ODAD2: variants seen among roughly 807,000 people sequenced by gnomAD.
The protein encoded by ODAD2 is outer dynein arm-docking complex subunit 2.
ODAD2 carries 89 observed loss-of-function variants against 106.8 expected under a neutral mutation model. That is an observed-to-expected ratio of 0.83 (90% confidence interval 0.70 to 0.99). The LOEUF is 0.99. ODAD2 is among the 50% of genes least tolerant of loss of function. The pLI is 0.00. For missense variants in ODAD2, 1,168 were observed against 1,238.5 expected (o/e 0.94, Z 0.85); for synonymous variants, 404 against 436.2 (o/e 0.93, Z 0.92).
rs1394507668 is a variant in ODAD2, at chr10:27,862,608, C to T, written c.2625G>A (p.Met875Ile). Residue 875 changes from methionine to isoleucine, a missense_variant, in exon 18 of 20, where the codon ATG becomes ATA. Around this residue, in one of 3 missense-constraint regions of ODAD2, gnomAD observed 701 missense variants for 712.3 expected, o/e 0.98. Coordinates refer to ENST00000305242, the MANE Select transcript of ODAD2 (RefSeq NM_018076.5). ...CIKNAKDAGEMVRSFVGGLEL... is the reference protein window; with the variant it reads ...CIKNAKDAGEIVRSFVGGLEL... ...CCAAACCACCAACAAAGGAACGAAC[C>T]ATTTCCCCAGCATCCTAGACAAAAA... The T allele has an allele frequency of 6.2e-7, 1 of 1,603,562 alleles. No individual in the cohort carries two copies. Among genetic ancestry groups the T allele is most frequent in the Non-Finnish European group, 8.5e-7 (1 of 1,175,966 alleles).
intron 10 of ODAD2, among the ~76,000 whole-genome samples, chr10:27,947,352 C>T (rs1181761977): frequency 6.6e-6 from 1 of 151,994 alleles, no homozygotes; most frequent in African/African-American, 2.4e-5. Context: ...GTAATCTCAG[C>T]TACTCAGAAG....
chr10:27,903,549 C>G (rs182072898), intron 17 of ODAD2, among the ~76,000 whole-genome samples: 1 of 18,212 alleles, frequency 5.5e-5, no homozygotes, highest in Non-Finnish European at 1.6e-4. Flanking sequence ...ATTTAGAAAA[C>G]CCATCGTCTC....
In ODAD2 at chr10:27,835,008, G is replaced by A. The variant is rs554212856; in HGVS notation, c.3022-22383C>T. Reference sequence around the variant, plus strand: ...AGTTTTCACAAGGTCACCCAGGCCCGACAGAACACACAACCGAAGGCGCAG... The same window carrying A: ...AGTTTTCACAAGGTCACCCAGGCCCAACAGAACACACAACCGAAGGCGCAG... On this transcript the variant is annotated intron_variant, in intron 19 of 19. Coordinates refer to ENST00000305242, the MANE Select transcript of ODAD2 (RefSeq NM_018076.5). 6.6e-5 allele frequency among the ~76,000 whole-genome samples: 10 copies of A among 152,288 alleles called. No individual in the cohort carries two copies. The South Asian group carries it at 1.9e-3, about 28-fold the overall frequency.
intron 17 of ODAD2, among the ~76,000 whole-genome samples, chr10:27,882,229 G>GAAATAAAT (rs1323672625): frequency 1.3e-5 from 2 of 149,258 alleles, no homozygotes; most frequent in East Asian, 1.9e-4. Context: ...AAGAAAGAAA[G>GAAATAAAT]AAAGAAATAT....
At chr10:27,889,545 T>A (rs530523324) in intron 17 of ODAD2, among the ~76,000 whole-genome samples, 2 of 152,310 alleles carry the variant, frequency 1.3e-5, no homozygotes, top group South Asian at 4.1e-4. Context: ...CTTAGTCTTA[T>A]GATCTCATGG....
chr10:27,852,210 G>A (rs1380182175), intron 19 of ODAD2, among the ~76,000 whole-genome samples: 2 of 152,166 alleles, frequency 1.3e-5, no homozygotes, highest in Non-Finnish European at 1.5e-5. Flanking sequence ...ATGATATCAG[G>A]AGAAAATCTG....
intron 19 of ODAD2, among the ~76,000 whole-genome samples, chr10:27,849,573 G>A (rs895293605): frequency 2.0e-5 from 3 of 151,912 alleles, no homozygotes; most frequent in East Asian, 3.9e-4. Context: ...AAAGAAGTCA[G>A]CTGAATCACC....
At chr10:27,950,408 C>A (rs947718253) in intron 10 of ODAD2, among the ~76,000 whole-genome samples, 33 of 152,078 alleles carry the variant, frequency 2.2e-4, no homozygotes, top group Admixed American at 1.2e-3. Context: ...ACTTAGCACT[C>A]AAAAACCTAA....
chr10:27,928,226 C>A (rs1371007531), intron 16 of ODAD2, among the ~76,000 whole-genome samples: 1 of 152,072 alleles, frequency 6.6e-6, no homozygotes, highest in Non-Finnish European at 1.5e-5. Context: ...TACCAATATC[C>A]ATATAGTTAC....
intron 17 of ODAD2, among the ~76,000 whole-genome samples, chr10:27,882,281 G>A (rs931118388): frequency 3.9e-5 from 6 of 152,080 alleles, no homozygotes; most frequent in Non-Finnish European, 5.9e-5. Context: ...ACTGAACAGG[G>A]ATAGGATTCT....
intron 19 of ODAD2, among the ~76,000 whole-genome samples, chr10:27,839,423 A>T (rs954951709): frequency 3.3e-5 from 5 of 152,216 alleles, no homozygotes; most frequent in Admixed American, 1.3e-4. Context: ...TTCTAAACCA[A>T]ACAAAAGCAA....
intron 17 of ODAD2, 62 bp downstream of exon 17, chr10:27,907,601 G>C: frequency 8.8e-7 from 1 of 1,130,672 alleles, no homozygotes; most frequent in Non-Finnish European, 1.3e-6. Flanking sequence ...GTAACCTGTG[G>C]TGGCATTTTT....
chr10:27,871,794 C>A (rs1026986419), intron 17 of ODAD2, among the ~76,000 whole-genome samples: 21 of 152,134 alleles, frequency 1.4e-4, no homozygotes, highest in Non-Finnish European at 2.8e-4. Flanking sequence ...TAGCGTGATG[C>A]CTGCAGCTGT....
At chr10:27,956,459 G>C (rs1314958567) in intron 10 of ODAD2, among the ~76,000 whole-genome samples, 3 of 152,174 alleles carry the variant, frequency 2.0e-5, no homozygotes, top group Non-Finnish European at 4.4e-5. Flanking sequence ...AAGCATTTCA[G>C]AGTATGGGCA....
chr10:27,937,278 C>T (rs1016457269), intron 14 of ODAD2, among the ~76,000 whole-genome samples: 2 of 151,510 alleles, frequency 1.3e-5, no homozygotes, highest in African/African-American at 4.9e-5. Flanking sequence ...TTGGTCAGCT[C>T]TTCAATGGCC....
chr10:27,935,690 G>C (rs926161238), intron 15 of ODAD2, among the ~76,000 whole-genome samples: 2 of 134,010 alleles, frequency 1.5e-5, no homozygotes, highest in Non-Finnish European at 3.2e-5. Context: ...GTAGTAGCTT[G>C]TGCTACTTGG....
intron 17 of ODAD2, among the ~76,000 whole-genome samples, chr10:27,876,295 C>T (rs1013075671): frequency 8.5e-5 from 13 of 152,202 alleles, no homozygotes; most frequent in Admixed American, 8.5e-4. Context: ...AGGCACCCCC[C>T]AGTAGGGGCA....
intron 17 of ODAD2, among the ~76,000 whole-genome samples, chr10:27,882,814 C>A (rs1388605275): frequency 6.6e-6 from 1 of 151,922 alleles, no homozygotes; most frequent in Non-Finnish European, 1.5e-5. Context: ...TATGGCAATT[C>A]CTAGGAAAAG....
rs148930400 is a variant in ODAD2 at position 27,971,255 on chromosome 10, T to C, written c.995A>G (p.Lys332Arg). 5.9e-4 allele frequency: 945 copies of C among 1,613,788 alleles called. 7 individuals carry two copies. The African/African-American group carries it at 0.011, about 18-fold the overall frequency. Reference sequence around the variant, plus strand: ...GCGGAGGGCAGCTGCTTCTTCCTTCTTGGGGGCTTTGCCAAGCTGATCCTT... The same window carrying C: ...GCGGAGGGCAGCTGCTTCTTCCTTCCTGGGGGCTTTGCCAAGCTGATCCTT... ...KEKDQLGKAPKKEEAAALRKD... is the reference protein window; with the variant it reads ...KEKDQLGKAPRKEEAAALRKD... The change falls in exon 8 of 20, where the codon AAG becomes AGG. Residue 332 changes from lysine (K) to arginine (R), a missense_variant. Around this residue, in one of 3 missense-constraint regions of ODAD2, gnomAD observed 430 missense variants for 452.2 expected, o/e 0.95. Coordinates refer to ENST00000305242, the MANE Select transcript of ODAD2 (RefSeq NM_018076.5).
Sources: gnomAD v4.1 joint callset for allele counts (sites outside exome capture counted in the v4.1 genomes callset) on GRCh38, gnomAD v4.1.1 for gene constraint, gnomAD v4.1.1 regional missense constraint, MANE v1.5 for transcripts, NCBI Gene and HGNC (gene_info 2026-07-23, HGNC 2026-07-21) for gene names.